Variants in PRKN observed in about 807,000 individuals in gnomAD.
PRKN encodes the protein parkin RBR E3 ubiquitin protein ligase.
A neutral mutation model predicts 59.5 loss-of-function variants in PRKN; 56 were observed. The observed-to-expected ratio is 0.94, with a 90% CI of 0.76 to 1.18. The LOEUF (loss-of-function observed/expected upper bound fraction) is 1.18. PRKN is among the 50% of genes most tolerant of loss of function. The probability of loss-of-function intolerance (pLI) is 0.00; values close to 1 mark genes in which losing one functional copy is unlikely to be tolerated. For missense variants in PRKN, 657 were observed against 596.4 expected, an observed-to-expected ratio of 1.10 and a Z score of -1.06; for synonymous variants, 250 against 222.1, an observed-to-expected ratio of 1.13 and a Z score of -1.12.
chr6:162,198,391 G>A (rs1784583651), intron 4 of PRKN, among the ~76,000 whole-genome samples: 1 of 151,330 alleles, frequency 6.6e-6, no homozygotes, highest in Non-Finnish European at 1.5e-5. Context: ...GAGCAGTAGA[G>A]GTAGGGGTGG....
rs62436131 is a variant in PRKN, at chr6:161,834,680, T to G, written c.735-48772A>C. On this transcript the variant is annotated intron_variant, in intron 6 of 11. Coordinates refer to ENST00000366898, the MANE Select transcript of PRKN (RefSeq NM_004562.3). ...GAAGCACTGGGTAGAGGGAGGTTCATGTGTGAAAAATGAGGATGATGATAT... is the reference window on the plus strand; with the variant it reads ...GAAGCACTGGGTAGAGGGAGGTTCAGGTGTGAAAAATGAGGATGATGATAT... Among the ~76,000 whole-genome samples, 1,414 of 152,322 alleles carry G rather than the reference T, an allele frequency of 9.3e-3. 12 individuals carry two copies. Among genetic ancestry groups the G allele is most frequent in the Non-Finnish European group, 0.013 (916 of 68,028 alleles).
At position 161,791,783 on chromosome 6, in the gene PRKN, G is replaced by A. The variant is rs1256915998; in HGVS notation, c.735-5875C>T. ...AGATAGGATATATTGCCACGCTCACGCTCTGGGGTAAGCAGCCTTCAAGAT... is the reference window on the plus strand; with the variant it reads ...AGATAGGATATATTGCCACGCTCACACTCTGGGGTAAGCAGCCTTCAAGAT... On this transcript the variant is annotated intron_variant, in intron 6 of 11. Coordinates refer to ENST00000366898, the MANE Select transcript of PRKN (RefSeq NM_004562.3). 3.3e-5 allele frequency among the ~76,000 whole-genome samples: 5 copies of A among 152,296 alleles called. No individual in the cohort carries two copies. The East Asian group carries it at 5.8e-4, about 18-fold the overall frequency.
chr6:162,616,042 C>T (rs1032992412), intron 1 of PRKN, among the ~76,000 whole-genome samples: 2 of 152,184 alleles, frequency 1.3e-5, no homozygotes, highest in Non-Finnish European at 2.9e-5. Flanking sequence ...AAACCATGAG[C>T]TGTCACCCAG....
intron 1 of PRKN, among the ~76,000 whole-genome samples, chr6:162,535,217 G>A (rs1487741527): frequency 1.3e-5 from 2 of 152,118 alleles, no homozygotes; most frequent in African/African-American, 2.4e-5. Flanking sequence ...GCAGCTCAGA[G>A]GGGATGGCTG....
chr6:162,547,743 G>T (rs1170434043), intron 1 of PRKN, among the ~76,000 whole-genome samples: 1 of 151,968 alleles, frequency 6.6e-6, no homozygotes, highest in African/African-American at 2.4e-5. Flanking sequence ...ACCACAATGG[G>T]CTAATTTTTG....
chr6:162,406,113 G>C (rs1700452979), intron 2 of PRKN, among the ~76,000 whole-genome samples: 1 of 152,188 alleles, frequency 6.6e-6, no homozygotes, highest in Admixed American at 6.5e-5. Context: ...CTACCATTTA[G>C]CAAGGGCTTT....
At chr6:162,344,444 T>C (rs7759239) in intron 2 of PRKN, among the ~76,000 whole-genome samples, 113 of 152,220 alleles carry the variant, frequency 7.4e-4, no homozygotes, top group African/African-American at 2.6e-3. Flanking sequence ...ATGAATCATA[T>C]AGCAGCATAT....
In PRKN at chr6:161,467,858, C is replaced by T. The variant is rs901989335; in HGVS notation, c.1084-80981G>A. 5.9e-5 allele frequency among the ~76,000 whole-genome samples: 9 copies of T among 152,022 alleles called. No individual in the cohort carries two copies. Among genetic ancestry groups the T allele is most frequent in the African/African-American group, 2.2e-4 (9 of 41,396 alleles). ...TCTCAGGAGGAATGGCCATGGCTCC[C>T]TTGTGACCATGGAGGTCCCACACTG... On this transcript the variant is annotated intron_variant, in intron 9 of 11. Coordinates refer to ENST00000366898, the MANE Select transcript of PRKN (RefSeq NM_004562.3). The surrounding 1 kb of genome is among the most constrained non-coding windows in gnomAD (Gnocchi z 4.3).
At chr6:162,669,786 C>A (rs1779251220) in intron 1 of PRKN, among the ~76,000 whole-genome samples, 1 of 152,138 alleles carries the variant, frequency 6.6e-6, no homozygotes, top group African/African-American at 2.4e-5. Context: ...ATTCCAAGGA[C>A]TGGAATTCCA....
intron 7 of PRKN, among the ~76,000 whole-genome samples, chr6:161,647,976 T>C (rs1784017079): frequency 6.6e-6 from 1 of 152,248 alleles, no homozygotes; most frequent in Non-Finnish European, 1.5e-5. Context: ...GAATTGGTTT[T>C]ATGGCTATAG....
chr6:162,545,163 C>T (rs528993340), intron 1 of PRKN, among the ~76,000 whole-genome samples: 345 of 151,900 alleles, frequency 2.3e-3, no homozygotes, highest in Non-Finnish European at 3.8e-3. Flanking sequence ...AGGCAGGAGC[C>T]TGTAATCCCA....
intron 7 of PRKN, among the ~76,000 whole-genome samples, chr6:161,669,005 A>C (rs900821815): frequency 1.2e-4 from 19 of 152,218 alleles, no homozygotes; most frequent in Non-Finnish European, 2.1e-4. Flanking sequence ...GGATGTTAAG[A>C]AGTGGGCCTT....
At chr6:162,225,933 T>A (rs1562594782) in intron 3 of PRKN, among the ~76,000 whole-genome samples, 1 of 148,066 alleles carries the variant, frequency 6.8e-6, no homozygotes. Context: ...ATACTTCTAT[T>A]ATTTTATTAT....
rs529814596 is a variant in PRKN, at chr6:161,444,904, A to ATT, written c.1084-58029_1084-58028dup. On this transcript the variant is annotated intron_variant, in intron 9 of 11. Transcript: ENST00000366898. The surrounding 1 kb of genome is among the most constrained non-coding windows in gnomAD (Gnocchi z 5.6). ...TTGCTAAGGTATGTAATAGTTATTT[A>ATT]TTTTTAAAAAAAGCCAGTACCTCTC... Among the ~76,000 whole-genome samples the ATT allele has an allele frequency of 2.3e-3, 353 of 152,074 alleles. No individual in the cohort carries two copies. The highest frequency in any genetic ancestry group is 8.0e-3 in the African/African-American group (331 of 41,494).
intron 2 of PRKN, among the ~76,000 whole-genome samples, chr6:162,264,272 C>T (rs1024342791): frequency 6.6e-6 from 1 of 152,090 alleles, no homozygotes; most frequent in Non-Finnish European, 1.5e-5. Context: ...GAGAGAGACT[C>T]TGTCTCAAAA....
intron 5 of PRKN, among the ~76,000 whole-genome samples, chr6:162,043,776 G>A (rs1784152787): frequency 6.6e-6 from 1 of 152,222 alleles, no homozygotes; most frequent in East Asian, 1.9e-4. Flanking sequence ...GAAGGAAGCA[G>A]CAGGAAGAGA....
At chr6:162,431,241 TG>T (rs1562759739) in intron 2 of PRKN, among the ~76,000 whole-genome samples, 1 of 119,668 alleles carries the variant, frequency 8.4e-6, no homozygotes, top group Non-Finnish European at 1.7e-5. Flanking sequence ...AGTTGAGCCT[TG>T]TGGTGAATGG....
At position 161,488,097 on chromosome 6, in the gene PRKN, A is replaced by C. The variant is rs1043524441; in HGVS notation, c.1083+60757T>G. 2.6e-5 allele frequency among the ~76,000 whole-genome samples: 4 copies of C among 152,212 alleles called. No homozygotes were observed. The highest frequency in any genetic ancestry group is 9.6e-5 in the African/African-American group (4 of 41,470). ...GCTGGCTTACAGGGTGAGATCGTGC[A>C]GTGGTTGGGGAAGGCATGGTCTAAG... On this transcript the variant is annotated intron_variant, in intron 9 of 11. Transcript: ENST00000366898. The surrounding 1 kb of genome is among the most constrained non-coding windows in gnomAD (Gnocchi z 4.5).
chr6:162,680,896 T>C (rs1012720914), intron 1 of PRKN, among the ~76,000 whole-genome samples: 1 of 152,192 alleles, frequency 6.6e-6, no homozygotes, highest in African/African-American at 2.4e-5. Flanking sequence ...ATTGTCCTTA[T>C]TATTGTTTTC....
Sources: allele counts gnomAD v4.1 joint callset (sites outside exome capture counted in the v4.1 genomes callset), GRCh38; gene constraint gnomAD v4.1.1; non-coding constraint Gnocchi (gnomAD v3.1); transcripts MANE v1.5; gene names NCBI Gene and HGNC (gene_info 2026-07-23, HGNC 2026-07-21).